The following TRIM37 variants were observed in gnomAD, a reference collection of about 807,000 sequenced individuals.
The protein encoded by TRIM37 is tripartite motif containing 37, also known as E3 ubiquitin-protein ligase TRIM37.
TRIM37 carries 80 observed loss-of-function variants against 129.8 expected under a neutral mutation model. The observed-to-expected ratio is 0.62, with a 90% CI of 0.51 to 0.74. TRIM37 has a LOEUF of 0.74. Ranked by LOEUF, TRIM37 falls within the 30% of genes least tolerant of loss-of-function variation. The pLI, the probability that TRIM37 is intolerant of heterozygous loss-of-function variation, is 0.00. For missense variants in TRIM37, 1,054 were observed against 1,176.5 expected (o/e 0.90, Z 1.52); for synonymous variants, 389 against 387.1 (o/e 1.00, Z -0.06).
At chr17:59,075,067 C>T (rs191938950) in intron 8 of TRIM37, among the ~76,000 whole-genome samples, 1 of 152,214 alleles carries the variant, frequency 6.6e-6, no homozygotes, top group Non-Finnish European at 1.5e-5. Flanking sequence ...AGATTTTAAC[C>T]TCTTATACAT....
At chr17:59,055,191 C>G (rs911425555) in intron 13 of TRIM37, among the ~76,000 whole-genome samples, 5 of 151,506 alleles carry the variant, frequency 3.3e-5, no homozygotes, top group Admixed American at 2.6e-4. Context: ...ACAAAATTAG[C>G]CAGGCATGGT....
intron 2 of TRIM37, among the ~76,000 whole-genome samples, chr17:59,101,669 A>AAT (rs2045494916): frequency 1.7e-5 from 2 of 119,116 alleles, no homozygotes; most frequent in Admixed American, 1.7e-4. Flanking sequence ...AAAAAAAAAA[A>AAT]AAAAAAAAAT....
At chr17:59,043,636 C>T (rs1325963625) in intron 16 of TRIM37, among the ~76,000 whole-genome samples, 5 of 152,236 alleles carry the variant, frequency 3.3e-5, no homozygotes, top group African/African-American at 1.2e-4. Context: ...GTGGAGACTC[C>T]CTTCTGCTGA....
At chr17:59,100,947 A>C (rs1163493183) in intron 2 of TRIM37, among the ~76,000 whole-genome samples, 1 of 151,194 alleles carries the variant, frequency 6.6e-6, no homozygotes, top group Admixed American at 6.6e-5. Context: ...ACTCGAACCC[A>C]GGAGATGGAG....
the TRIM37 span, among the ~76,000 whole-genome samples, chr17:58,968,069 T>C: frequency 6.6e-6 from 1 of 152,260 alleles, no homozygotes; most frequent in Non-Finnish European, 1.5e-5. Flanking sequence ...CTCAAAGTGC[T>C]GGAATTACAG....
chr17:59,082,376 G>A (rs2043377716), intron 5 of TRIM37, among the ~76,000 whole-genome samples: 1 of 152,172 alleles, frequency 6.6e-6, no homozygotes, highest in South Asian at 2.1e-4. Flanking sequence ...CAGATTTACA[G>A]GATCAGCTGC....
chr17:59,064,615 TA>T (rs1409938775), intron 9 of TRIM37, among the ~76,000 whole-genome samples: 2 of 152,112 alleles, frequency 1.3e-5, no homozygotes, highest in Non-Finnish European at 2.9e-5. Context: ...AAATACTTTA[TA>T]AAAGTTTTTT....
At chr17:58,972,624 T>C in the TRIM37 span, among the ~76,000 whole-genome samples, 3 of 152,220 alleles carry the variant, frequency 2.0e-5, no homozygotes, top group Non-Finnish European at 4.4e-5. Flanking sequence ...GTACTGGGAT[T>C]ATAGGCGTGA....
Position 59,015,656 on chromosome 17 carries a change from T to C in TRIM37, c.2530A>G (p.Ser844Gly). The change falls in exon 21 of 24, where the codon AGT (serine) becomes GGT (glycine). Residue 844 changes from serine (S) to glycine (G), a missense_variant. By Grantham distance (56) the Ser-to-Gly change is moderately conservative. This residue lies in a region of TRIM37 where 287 missense variants were observed against 274.3 expected (regional missense o/e 1.05). Coordinates refer to ENST00000262294, the MANE Select transcript of TRIM37 (RefSeq NM_015294.6). ...CTTTTCTCAACCGCAGGCAAGCCAC[T>C]GAAAACTGCAACCACAACAGCATCT... ...DSDAVVVAVF[S>G]GLPAVEKRRK... 6.2e-7 allele frequency: 1 copy of C among 1,614,148 alleles called. No homozygotes were observed. Among genetic ancestry groups the C allele is most frequent in the Non-Finnish European group, 8.5e-7 (1 of 1,180,018 alleles).
At chr17:59,014,028 C>T (rs2035610649) in intron 21 of TRIM37, among the ~76,000 whole-genome samples, 1 of 151,402 alleles carries the variant, frequency 6.6e-6, no homozygotes, top group South Asian at 2.1e-4. Flanking sequence ...ATTGTGGTGA[C>T]TAAAGGCAGA....
At chr17:59,013,305 G>A (rs958492521) in intron 21 of TRIM37, among the ~76,000 whole-genome samples, 4 of 151,998 alleles carry the variant, frequency 2.6e-5, no homozygotes, top group South Asian at 2.1e-4. Context: ...CACCACGCCC[G>A]GCAATTTTTG....
intron 16 of TRIM37, among the ~76,000 whole-genome samples, chr17:59,043,956 A>G (rs1599115086): frequency 6.6e-6 from 1 of 152,188 alleles, no homozygotes; most frequent in African/African-American, 2.4e-5. Flanking sequence ...GGCCTTCTTT[A>G]TCTGTGGGCT....
In TRIM37 at chr17:59,105,669, T is replaced by C. The variant is rs1230807776; in HGVS notation, c.21+772A>G. ...TTACTCATTAATCTCATCATGACTCTGTAGGGCCAGAAAGAACCTGGGAGA... is the reference window on the plus strand; with the variant it reads ...TTACTCATTAATCTCATCATGACTCCGTAGGGCCAGAAAGAACCTGGGAGA... On this transcript the variant is annotated intron_variant, in intron 1 of 23. Transcript: ENST00000262294. 2.6e-5 allele frequency among the ~76,000 whole-genome samples: 4 copies of C among 152,300 alleles called. No homozygotes were observed. In the East Asian group the frequency reaches 5.8e-4, roughly 22 times the overall value.
chr17:58,980,307 G>A, downstream of TRIM37: 1 of 1,614,176 alleles, frequency 6.2e-7, no homozygotes, highest in Non-Finnish European at 8.5e-7. This position sits in a 1 kb window ranked among gnomAD's most constrained non-coding sequence, Gnocchi z 4.7. Context: ...CAAGAAGATG[G>A]TGGGGATGAT....
chr17:59,037,232 C>T (rs558729386), intron 17 of TRIM37, among the ~76,000 whole-genome samples: 1 of 152,068 alleles, frequency 6.6e-6, no homozygotes, highest in East Asian at 1.9e-4. Context: ...CCAGTGTCAC[C>T]CCGATCTAGC....
chr17:59,055,138 A>G (rs1022343348), intron 13 of TRIM37, among the ~76,000 whole-genome samples: 1 of 151,746 alleles, frequency 6.6e-6, no homozygotes, highest in African/African-American at 2.4e-5. Flanking sequence ...GGAGTTAGAA[A>G]CCAGCCTGAT....
chr17:59,075,811 T>C (rs1310738076), intron 7 of TRIM37, 97 bp from the exon 8 acceptor site: 3 of 949,566 alleles, frequency 3.2e-6, no homozygotes, highest in Non-Finnish European at 3.3e-6. Context: ...AGAAATACAC[T>C]TCAAGTAAGC....
At chr17:59,032,904 T>C (rs539382488) in intron 17 of TRIM37, among the ~76,000 whole-genome samples, 1 of 152,134 alleles carries the variant, frequency 6.6e-6, no homozygotes, top group Non-Finnish European at 1.5e-5. Flanking sequence ...GGGGTACAAT[T>C]TGAAGTTTTT....
At chr17:59,015,194 C>G (rs1308332646) in intron 21 of TRIM37, among the ~76,000 whole-genome samples, 1 of 151,888 alleles carries the variant, frequency 6.6e-6, no homozygotes, top group South Asian at 2.1e-4. Flanking sequence ...TCCCAACACT[C>G]TGGGAGGCTG....
Sources: gnomAD v4.1 joint callset for allele counts (sites outside exome capture counted in the v4.1 genomes callset) on GRCh38, gnomAD v4.1.1 for gene constraint, gnomAD v4.1.1 regional missense constraint, Gnocchi (gnomAD v3.1) non-coding constraint, MANE v1.5 for transcripts, NCBI Gene and HGNC (gene_info 2026-07-23, HGNC 2026-07-21) for gene names.